Variants in MGAT4A observed in about 807,000 individuals in gnomAD.
MGAT4A encodes alpha-1,3-mannosyl-glycoprotein 4-beta-N-acetylglucosaminyltransferase A.
A neutral mutation model predicts 74.1 loss-of-function variants in MGAT4A; 33 were observed. The observed-to-expected ratio is 0.45, with a 90% confidence interval of 0.34 to 0.60. The LOEUF is 0.60. MGAT4A is among the 20% of genes least tolerant of loss of function. The pLI is 0.02. For missense variants in MGAT4A, 479 were observed against 628.3 expected (o/e 0.76, Z 2.54); for synonymous variants, 198 against 210.4 (o/e 0.94, Z 0.51).
chr2:98,711,224 G>C (rs997984761), intron 2 of MGAT4A, among the ~76,000 whole-genome samples: 6 of 143,462 alleles, frequency 4.2e-5, no homozygotes, highest in Admixed American at 1.4e-4. Flanking sequence ...TGATAAATTT[G>C]AGCTCAAAAG....
chr2:98,672,307 T>C (rs1361133288), intron 4 of MGAT4A, among the ~76,000 whole-genome samples: 1 of 152,250 alleles, frequency 6.6e-6, no homozygotes, highest in Non-Finnish European at 1.5e-5. Context: ...ATGTGACTAA[T>C]ACGTGTTTTC....
At position 98,691,218 on chromosome 2, in the gene MGAT4A, T is replaced by C. The variant is rs547114530; in HGVS notation, c.95-12747A>G. 4.6e-5 allele frequency among the ~76,000 whole-genome samples: 7 copies of C among 152,114 alleles called. No homozygotes were observed. In the East Asian group the frequency reaches 5.8e-4, roughly 13 times the overall value. On this transcript the variant is annotated intron_variant, in intron 2 of 15. Coordinates refer to ENST00000393487, the MANE Select transcript of MGAT4A (RefSeq NM_012214.3). ...CCTGTAATCCCAGCACTTTGGAAGG[T>C]TGAGGCAAGAGGATCGCTTGAGGCC...
intron 1 of MGAT4A, among the ~76,000 whole-genome samples, chr2:98,727,707 C>T (rs931889578): frequency 6.6e-6 from 1 of 152,216 alleles, no homozygotes; most frequent in Admixed American, 6.5e-5. Context: ...CAGCCATTTG[C>T]AGGCAATTCA....
rs1042139378 is a variant in MGAT4A, at chr2:98,646,996, T to C, written c.775-1454A>G. ...TAGTAAGAGCATGAAATCAAGCATT[T>C]ACTCCAGCCTTTCTTTAAGAACTGT... On this transcript the variant is annotated intron_variant, in intron 8 of 15. Transcript: ENST00000393487. 3.3e-4 allele frequency among the ~76,000 whole-genome samples: 50 copies of C among 152,248 alleles called. 1 individual carries two copies. The highest frequency in any genetic ancestry group is 4.4e-5 in the Non-Finnish European group (3 of 68,038).
At chr2:98,628,559 T>C (rs911070389) in intron 14 of MGAT4A, among the ~76,000 whole-genome samples, 2 of 152,218 alleles carry the variant, frequency 1.3e-5, no homozygotes, top group African/African-American at 2.4e-5. Flanking sequence ...TGATGAGATA[T>C]TCCATTCTAA....
At chr2:98,690,656 C>T (rs1702183450) in intron 2 of MGAT4A, among the ~76,000 whole-genome samples, 1 of 152,054 alleles carries the variant, frequency 6.6e-6, no homozygotes, top group Non-Finnish European at 1.5e-5. Flanking sequence ...TCAGTGAGAA[C>T]AAACTATGAA....
chr2:98,644,586 A>C (rs190151100), intron 9 of MGAT4A, among the ~76,000 whole-genome samples: 1 of 152,158 alleles, frequency 6.6e-6, no homozygotes, highest in Non-Finnish European at 1.5e-5. Context: ...TAACCTCTCA[A>C]TATTATTTGA....
intron 14 of MGAT4A, among the ~76,000 whole-genome samples, chr2:98,632,815 T>G (rs978763236): frequency 6.6e-6 from 1 of 152,184 alleles, no homozygotes; most frequent in Non-Finnish European, 1.5e-5. Context: ...AATGCAATGG[T>G]GCAATCTTGG....
At chr2:98,716,728 T>C (rs1298520515) in intron 2 of MGAT4A, among the ~76,000 whole-genome samples, 1 of 152,228 alleles carries the variant, frequency 6.6e-6, no homozygotes, top group Non-Finnish European at 1.5e-5. Context: ...CCAGTATCTT[T>C]GAGGATACCA....
At chr2:98,704,266 T>C (rs1702392831) in intron 2 of MGAT4A, among the ~76,000 whole-genome samples, 1 of 152,200 alleles carries the variant, frequency 6.6e-6, no homozygotes, top group African/African-American at 2.4e-5. Flanking sequence ...GTAAAAGCTC[T>C]ATGTAAGCAG....
At chr2:98,650,105 A>G (rs538826620) in intron 8 of MGAT4A, among the ~76,000 whole-genome samples, 90 of 152,348 alleles carry the variant, frequency 5.9e-4, no homozygotes, top group Admixed American at 1.5e-3. Flanking sequence ...CCAAACAGAA[A>G]TTCTAAAACT....
chr2:98,625,356 G>A lies in MGAT4A; in HGVS notation c.*210C>T, dbSNP rs983801341. On this transcript the variant is annotated 3_prime_UTR_variant, in exon 16 of 16. Transcript: ENST00000393487. ...TAACAGGCTGTCATAATTGAAAAAT[G>A]TTTGAGTCAAGTTAAAATCTGAGGA... 4.4e-6 allele frequency: 6 copies of A among 1,354,794 alleles called. No individual in the cohort carries two copies. 83.9% of individuals were successfully genotyped at this position (1,354,794 alleles called of 1,614,324 possible). A position where few individuals can be genotyped will look rare whatever the true frequency, so the allele number is the denominator to read the frequency against.
chr2:98,655,102 A>G (rs1701639070), intron 8 of MGAT4A, among the ~76,000 whole-genome samples: 1 of 152,218 alleles, frequency 6.6e-6, no homozygotes, highest in Non-Finnish European at 1.5e-5. Context: ...AAAAATTGTA[A>G]GAAAATTCCT....
At chr2:98,669,376 C>A (rs543542203) in intron 4 of MGAT4A, among the ~76,000 whole-genome samples, 1 of 152,158 alleles carries the variant, frequency 6.6e-6, no homozygotes, top group Non-Finnish European at 1.5e-5. Flanking sequence ...CTGCCATCCA[C>A]GTAAGATGTG....
intron 2 of MGAT4A, among the ~76,000 whole-genome samples, chr2:98,679,053 G>A (rs926327721): frequency 5.9e-5 from 9 of 152,026 alleles, no homozygotes; most frequent in African/African-American, 1.9e-4. Flanking sequence ...TGGCTCACAC[G>A]TGTAATCCCA....
intron 2 of MGAT4A, among the ~76,000 whole-genome samples, chr2:98,719,062 TGTG>T (rs1702629789): frequency 6.6e-6 from 1 of 152,136 alleles, no homozygotes; most frequent in South Asian, 2.1e-4. Flanking sequence ...ATTTTGGGCT[TGTG>T]GTGAGAGAAT....
rs902691760 is a variant in MGAT4A, at chr2:98,622,671, C to CT, written c.*2894dup. 3 of 985,456 alleles carry CT rather than the reference C, an allele frequency of 3.0e-6. No homozygotes were observed. In the African/African-American group the frequency reaches 5.2e-5, roughly 17 times the overall value. The allele number at this position is 985,456 out of a possible 1,614,324, so 61.0% of individuals were successfully genotyped here. A position where few individuals can be genotyped will look rare whatever the true frequency, so the allele number is the denominator to read the frequency against. ...GAACTGGGCAGAAAGGAGGGAGTAA[C>CT]TAACAGTGAGAGGCCCTGAGCACCC... On this transcript the variant is annotated 3_prime_UTR_variant, in exon 16 of 16. Coordinates refer to ENST00000393487, the MANE Select transcript of MGAT4A (RefSeq NM_012214.3).
intron 2 of MGAT4A, among the ~76,000 whole-genome samples, chr2:98,701,441 T>C (rs1559172556): frequency 6.6e-6 from 1 of 152,194 alleles, no homozygotes; most frequent in African/African-American, 2.4e-5. Flanking sequence ...TAATGTTCTG[T>C]AATAACCCAA....
rs1331658459 is a variant in MGAT4A, at chr2:98,624,227, T to A, written c.*1339A>T. 1 of 553,854 alleles carries A rather than the reference T, an allele frequency of 1.8e-6. No homozygotes were observed. Among genetic ancestry groups the A allele is most frequent in the African/African-American group, 2.1e-5 (1 of 48,760 alleles). 34.3% of individuals were successfully genotyped at this position (553,854 alleles called of 1,614,324 possible). The stretch of plus-strand genomic sequence containing the variant: ...CAGGGTTTCACCGTGTTAGCCAGGA[T>A]GGTCTTGATCTCCTGACCTCGTGAT... On this transcript the variant is annotated 3_prime_UTR_variant, in exon 16 of 16. Coordinates refer to ENST00000393487, the MANE Select transcript of MGAT4A (RefSeq NM_012214.3).
Sources: allele counts gnomAD v4.1 joint callset (sites outside exome capture counted in the v4.1 genomes callset), GRCh38; gene constraint gnomAD v4.1.1; transcripts MANE v1.5; gene names NCBI Gene and HGNC (gene_info 2026-07-23, HGNC 2026-07-21).